The following DNAH17 variants were observed in gnomAD, a reference collection of about 807,000 sequenced individuals.
DNAH17 encodes axonemal beta dynein heavy chain 17.
Under a neutral mutation model 485.6 loss-of-function variants are expected in DNAH17, and 376 were observed. The ratio of observed to expected loss-of-function variants is 0.77; its 90% CI spans 0.71 to 0.84. DNAH17 has a LOEUF of 0.84. DNAH17 is among the 40% of genes least tolerant of loss of function. DNAH17 has a pLI of 0.00. For missense variants in DNAH17, 6,370 were observed against 5,839.3 expected (o/e 1.09, Z -2.96); for synonymous variants, 3,031 against 2,405.9 (o/e 1.26, Z -7.60).
chr17:78,546,142 T>G (rs745698368), intron 16 of DNAH17, among the ~76,000 whole-genome samples: 5 of 152,084 alleles, frequency 3.3e-5, no homozygotes, highest in African/African-American at 1.2e-4. Flanking sequence ...CTGAGCAACA[T>G]AGGAAGGCCC....
In DNAH17 at chr17:78,552,690, T is replaced by TA. The variant is rs745429579; in HGVS notation, c.2287+6_2287+7insT. 4 of 1,609,948 alleles carry TA rather than the reference T, an allele frequency of 2.5e-6. No homozygotes were observed. The highest frequency in any genetic ancestry group is 3.4e-6 in the Non-Finnish European group (4 of 1,176,174). ...AATCCAATGTGGGAGGAATGTGGCCTCCGTACCTTCGCCATTCCAGAATAA... is the reference window on the plus strand; with the variant it reads ...AATCCAATGTGGGAGGAATGTGGCCTACCGTACCTTCGCCATTCCAGAATAA... On this transcript the variant is annotated splice_region_variant and intron_variant, in intron 15 of 80. Transcript: ENST00000389840.
Position 78,566,724 on chromosome 17 carries a change from C to A in DNAH17, c.1459G>T (p.Asp487Tyr). The A allele has an allele frequency of 6.3e-7, 1 of 1,599,096 alleles. No individual in the cohort carries two copies. Among genetic ancestry groups the A allele is most frequent in the Non-Finnish European group, 8.5e-7 (1 of 1,172,362 alleles). The change falls in exon 11 of 81, where the codon GAC becomes TAC. Residue 487 changes from aspartate (D) to tyrosine (Y), a missense_variant. By Grantham distance (160) the Asp-to-Tyr change is radical. Coordinates refer to ENST00000389840, the MANE Select transcript of DNAH17 (RefSeq NM_173628.4). Reference protein sequence around the residue: ...DPLDPGDSNFDRDYADFEIKI... With the variant: ...DPLDPGDSNFYRDYADFEIKI... The stretch of plus-strand genomic sequence containing the variant: ...ATCTCAAAATCAGCATAATCACGGT[C>A]AAAATTCTAAAAGCAAATGGAAATG...
At chr17:78,504,224 C>T (rs966861696) in intron 31 of DNAH17, among the ~76,000 whole-genome samples, 1 of 151,988 alleles carries the variant, frequency 6.6e-6, no homozygotes, top group African/African-American at 2.4e-5. Context: ...TGCCACCACA[C>T]CTGGTTAATT....
In DNAH17 at chr17:78,468,747, C is replaced by G. The variant is rs763415858; in HGVS notation, c.8648G>C (p.Gly2883Ala). The change falls in exon 55 of 81, where the codon GGG (glycine) becomes GCG (alanine). Residue 2883 changes from glycine (G) to alanine (A), a missense_variant. By Grantham distance (60) the Gly-to-Ala change is moderately conservative. Transcript: ENST00000389840. ...NDLLASGEIP[G>A]LFMEDEVENI... ...CTCCACCTCGTCCTCCATAAACAGCCCAGGGATCTCTCCTGAGGCCAGCAG... is the reference window on the plus strand; with the variant it reads ...CTCCACCTCGTCCTCCATAAACAGCGCAGGGATCTCTCCTGAGGCCAGCAG... 1 of 1,614,012 alleles carries G rather than the reference C, an allele frequency of 6.2e-7. No homozygotes were observed. The highest frequency in any genetic ancestry group is 8.5e-7 in the Non-Finnish European group (1 of 1,179,890).
intron 56 of DNAH17, among the ~76,000 whole-genome samples, chr17:78,464,564 G>A (rs559661681): frequency 6.6e-6 from 1 of 152,262 alleles, no homozygotes; most frequent in South Asian, 2.1e-4. Context: ...CCCAGCCCTC[G>A]GCACCATCTT....
At chr17:78,560,014 C>A (rs532189820) in intron 13 of DNAH17, among the ~76,000 whole-genome samples, 1 of 152,164 alleles carries the variant, frequency 6.6e-6, no homozygotes, top group Non-Finnish European at 1.5e-5. Flanking sequence ...ATCTTCTTAA[C>A]CTGCCCTTCC....
chr17:78,494,950 C>T lies in DNAH17; in HGVS notation c.6042+9G>A. 4.4e-6 allele frequency: 7 copies of T among 1,607,780 alleles called. No homozygotes were observed. Among genetic ancestry groups the T allele is most frequent in the Non-Finnish European group, 6.0e-6 (7 of 1,175,254 alleles). ...CCCACACCCGCCGTGAGCTCCAGGA[C>T]ACACACACCTGCTTCGAGAGCAGCT... On this transcript the variant is annotated intron_variant, in intron 39 of 80. Transcript: ENST00000389840.
intron 16 of DNAH17, among the ~76,000 whole-genome samples, chr17:78,549,516 T>TCA (rs1299695815): frequency 1.3e-5 from 2 of 152,168 alleles, no homozygotes; most frequent in African/African-American, 4.8e-5. Context: ...GGCAAACAGA[T>TCA]CATTCCTTCC....
chr17:78,454,477 G>T lies in DNAH17; in HGVS notation c.10399C>A (p.Gln3467Lys). The T allele has an allele frequency of 6.2e-7, 1 of 1,611,976 alleles. No homozygotes were observed. The highest frequency in any genetic ancestry group is 8.5e-7 in the Non-Finnish European group (1 of 1,179,314). The change falls in exon 64 of 81, where the codon CAG becomes AAG. Residue 3467 changes from glutamine (Q) to lysine (K), a missense_variant. Coordinates refer to ENST00000389840, the MANE Select transcript of DNAH17 (RefSeq NM_173628.4). ...RSELKAIRLG[Q>K]KSYLDVIEQA... ...TCCTGCGCCCGCACACACCTCTTCT[G>T]TCCCAGGCGGATGGCTTTCAGTTCA...
intron 43 of DNAH17, 63 bp from the exon 44 acceptor site, chr17:78,490,910 G>C: frequency 6.7e-7 from 1 of 1,495,154 alleles, no homozygotes; most frequent in Non-Finnish European, 9.0e-7. Context: ...ATGGTGTTCT[G>C]GGGTGGGGGT....
In DNAH17 at chr17:78,485,012, T is replaced by C. The variant is rs754584231; in HGVS notation, c.7505A>G (p.Glu2502Gly). The C allele has an allele frequency of 2.5e-6, 4 of 1,611,586 alleles. No homozygotes were observed. The South Asian group carries it at 4.4e-5, about 18-fold the overall frequency. ...CCCGTAGTTCCTCCCCGATTTCTTC[T>C]CCAGCGGCTTCTCCAGCACCCCTAG... is the stretch of plus-strand genomic sequence containing the variant. ...MLQGVLEKPLEKKSGRNYGPP... is the reference protein window; with the variant it reads ...MLQGVLEKPLGKKSGRNYGPP... Residue 2502 changes from glutamate (E) to glycine (G), a missense_variant, in exon 48 of 81, where the codon GAG (glutamate) becomes GGG (glycine). Physicochemically the swap from Glu to Gly is moderately conservative, Grantham distance 98. Coordinates refer to ENST00000389840, the MANE Select transcript of DNAH17 (RefSeq NM_173628.4).
intron 13 of DNAH17, among the ~76,000 whole-genome samples, chr17:78,559,982 G>A (rs891452729): frequency 1.3e-5 from 2 of 152,046 alleles, no homozygotes; most frequent in African/African-American, 4.8e-5. Context: ...AATTGCACCT[G>A]CCCCTTCTAC....
intron 16 of DNAH17, among the ~76,000 whole-genome samples, chr17:78,544,832 G>T (rs1458290593): frequency 7.4e-6 from 1 of 135,268 alleles, no homozygotes; most frequent in African/African-American, 2.7e-5. Flanking sequence ...AAAGGTGGGG[G>T]TGGTGGCCAC....
chr17:78,539,997 C>G, intron 17 of DNAH17, 117 bp from the exon 18 acceptor site: 2 of 1,045,466 alleles, frequency 1.9e-6, no homozygotes, highest in East Asian at 6.1e-5. Context: ...ACACACGGGG[C>G]TGCTTTGAGC....
intron 9 of DNAH17, 106 bp from the exon 10 acceptor site, chr17:78,567,272 G>A (rs1733206050): frequency 1.7e-6 from 2 of 1,202,294 alleles, no homozygotes; most frequent in Admixed American, 2.4e-5. Flanking sequence ...GGAGCAAAAT[G>A]TCCCCAGGAG....
intron 42 of DNAH17, among the ~76,000 whole-genome samples, chr17:78,492,188 G>A (rs527696150): frequency 6.6e-6 from 1 of 152,202 alleles, no homozygotes; most frequent in East Asian, 1.9e-4. Flanking sequence ...CCTTTCTGCA[G>A]CCCACTCTCC....
intron 72 of DNAH17, among the ~76,000 whole-genome samples, chr17:78,440,352 G>A (rs1330648624): frequency 2.1e-5 from 3 of 143,044 alleles, no homozygotes; most frequent in Non-Finnish European, 4.5e-5. Context: ...AACCTTTTGG[G>A]CTCAAGTGAT....
At chr17:78,507,178 TCC>T in intron 29 of DNAH17, 98 bp downstream of exon 29, 1 of 1,399,598 alleles carries the variant, frequency 7.1e-7, no homozygotes. Context: ...TTTTGCCCTG[TCC>T]TGGCCAGCAG....
intron 11 of DNAH17, 70 bp from the exon 12 acceptor site, chr17:78,562,050 A>T: frequency 6.7e-7 from 1 of 1,488,182 alleles, no homozygotes; most frequent in Non-Finnish European, 8.9e-7. Context: ...GGCTGTGGAC[A>T]AAACGGGCAG....
Sources: allele counts gnomAD v4.1 joint callset (sites outside exome capture counted in the v4.1 genomes callset), GRCh38; gene constraint gnomAD v4.1.1; transcripts MANE v1.5; gene names NCBI Gene and HGNC (gene_info 2026-07-23, HGNC 2026-07-21).